Variants in CDK15 observed in about 807,000 individuals in gnomAD.
CDK15 encodes cyclin-dependent kinase 15.
Under a neutral mutation model 60.3 loss-of-function variants are expected in CDK15, and 62 were observed. The ratio of observed to expected loss-of-function variants is 1.03; its 90% CI spans 0.84 to 1.27. The LOEUF (loss-of-function observed/expected upper bound fraction) is 1.27. Ranked by LOEUF, CDK15 falls within the 50% of genes most tolerant of loss-of-function variation. The pLI is 0.00. For synonymous variants in CDK15, 194 were observed against 195.7 expected (o/e 0.99, Z 0.07); for missense variants, 541 against 527.8 (o/e 1.03, Z -0.25).
At chr2:201,857,860 C>G (rs1698210792) in intron 10 of CDK15, among the ~76,000 whole-genome samples, 1 of 152,198 alleles carries the variant, frequency 6.6e-6, no homozygotes, top group Admixed American at 6.5e-5. Context: ...CATCCCTGAG[C>G]TGCTGTGGCT....
At chr2:201,831,745 C>A (rs1696760765) in intron 6 of CDK15, among the ~76,000 whole-genome samples, 1 of 152,108 alleles carries the variant, frequency 6.6e-6, no homozygotes, top group Non-Finnish European at 1.5e-5. Context: ...TCAAGCTGAC[C>A]TACTAAGAAG....
Position 201,891,157 on chromosome 2 carries a change from G to C in CDK15, c.*33+230G>C, listed in dbSNP as rs113787644. ...CTTCCACTCCCGGAGCAGGGATAAA[G>C]CTCCTAAGACAGAACTTCTATGCTT... is the stretch of plus-strand genomic sequence containing the variant. On this transcript the variant is annotated intron_variant, in intron 13 of 13. Transcript: ENST00000652192. Among the ~76,000 whole-genome samples, 666 of 152,330 alleles carry C rather than the reference G, an allele frequency of 4.4e-3. 3 individuals carry two copies. Among genetic ancestry groups the C allele is most frequent in the African/African-American group, 0.015 (629 of 41,576 alleles).
At chr2:201,876,155 A>AG (rs1200215260) in intron 11 of CDK15, among the ~76,000 whole-genome samples, 1 of 152,178 alleles carries the variant, frequency 6.6e-6, no homozygotes, top group Non-Finnish European at 1.5e-5. Flanking sequence ...TTTTTAAAGT[A>AG]GGGGTTGTAA....
intron 11 of CDK15, chr2:201,876,540 T>C: frequency 7.8e-7 from 1 of 1,280,090 alleles, no homozygotes; most frequent in Non-Finnish European, 1.0e-6. Flanking sequence ...GAGACTTCAC[T>C]TGCCCGCTTT....
At chr2:201,870,062 C>A (rs956972079) in intron 10 of CDK15, among the ~76,000 whole-genome samples, 1 of 152,216 alleles carries the variant, frequency 6.6e-6, no homozygotes, top group African/African-American at 2.4e-5. Context: ...CATTTGATTG[C>A]GCCTGACCTT....
In CDK15 at chr2:201,873,964, G is replaced by A. The variant is rs567996112; in HGVS notation, c.1058+1638G>A. On this transcript the variant is annotated intron_variant, in intron 11 of 13. Transcript: ENST00000652192. ...AGCTTCTCAGGAGGCTGAGGCATGA[G>A]AATCGCTTGAACCCGGGAGGCGGAG... Among the ~76,000 whole-genome samples the A allele has an allele frequency of 3.3e-5, 5 of 150,852 alleles. No individual in the cohort carries two copies. In the East Asian group the frequency reaches 9.8e-4, roughly 29 times the overall value.
chr2:201,880,267 T>G (rs1016559775), intron 12 of CDK15, 100 bp downstream of exon 12: 1 of 1,372,364 alleles, frequency 7.3e-7, no homozygotes, highest in African/African-American at 1.4e-5. Flanking sequence ...CACCGGAGAA[T>G]CATAGCATTT....
At chr2:201,860,948 T>A (rs1698368715) in intron 10 of CDK15, 1 of 1,269,126 alleles carries the variant, frequency 7.9e-7, no homozygotes, top group Non-Finnish European at 1.0e-6. Context: ...TTGGGCTCAA[T>A]GAGTTCTGAG....
At chr2:201,814,362 T>C (rs16838219) in intron 4 of CDK15, among the ~76,000 whole-genome samples, 37,384 of 152,172 alleles carry the variant, frequency 0.25, 4,791 homozygotes, top group East Asian at 0.42. Flanking sequence ...CCTTACCGAA[T>C]GCTTTGCTCG....
chr2:201,843,379 G>C (rs1697489569), intron 8 of CDK15, among the ~76,000 whole-genome samples: 2 of 152,018 alleles, frequency 1.3e-5, no homozygotes, highest in South Asian at 2.1e-4. Flanking sequence ...TAGAGACGGG[G>C]TTTCACCATG....
At chr2:201,868,329 A>G (rs1698714554) in intron 10 of CDK15, among the ~76,000 whole-genome samples, 1 of 152,192 alleles carries the variant, frequency 6.6e-6, no homozygotes, top group African/African-American at 2.4e-5. Flanking sequence ...GCAGGTGGGA[A>G]AACTGAGGCC....
chr2:201,843,517 T>C (rs972460811), intron 8 of CDK15, among the ~76,000 whole-genome samples: 4 of 152,216 alleles, frequency 2.6e-5, no homozygotes, highest in African/African-American at 4.8e-5. Flanking sequence ...GCTTGTTTTG[T>C]TATCAATGCA....
At chr2:201,808,428 C>A (rs959523675) in intron 3 of CDK15, among the ~76,000 whole-genome samples, 9 of 152,102 alleles carry the variant, frequency 5.9e-5, no homozygotes, top group African/African-American at 2.2e-4. Flanking sequence ...ATGGTACATG[C>A]AAAAGATGAT....
At chr2:201,875,650 T>C (rs1178122973) in intron 11 of CDK15, among the ~76,000 whole-genome samples, 1 of 152,190 alleles carries the variant, frequency 6.6e-6, no homozygotes, top group African/African-American at 2.4e-5. Context: ...TAGAAAGTGA[T>C]TCAAAGTTAT....
rs188530170 is a variant in CDK15, at chr2:201,882,746, A to T, written c.1198+2579A>T. Among the ~76,000 whole-genome samples, 8 of 151,754 alleles carry T rather than the reference A, an allele frequency of 5.3e-5. No individual in the cohort carries two copies. On this transcript the variant is annotated intron_variant, in intron 12 of 13. Transcript: ENST00000652192. This position sits in a 1 kb window ranked among gnomAD's most constrained non-coding sequence, Gnocchi z 4.0. ...TGTGCAGAAATATGTATATAGACAG[A>T]TGGACAAGTAGATAGAAAAAGCAAA...
chr2:201,821,006 C>G (rs975516209), intron 4 of CDK15, among the ~76,000 whole-genome samples: 8 of 152,092 alleles, frequency 5.3e-5, no homozygotes, highest in Non-Finnish European at 1.2e-4. Context: ...TAACTACAGG[C>G]TGGTAGGGCA....
intron 11 of CDK15, among the ~76,000 whole-genome samples, chr2:201,877,184 C>T (rs1699110159): frequency 6.6e-6 from 1 of 152,190 alleles, no homozygotes. Context: ...ACACTCTACA[C>T]AAACACAGTC....
intron 8 of CDK15, among the ~76,000 whole-genome samples, chr2:201,836,153 T>A (rs1216939804): frequency 4.4e-5 from 1 of 22,564 alleles, no homozygotes; most frequent in African/African-American, 9.2e-5. Context: ...TTATATATAT[T>A]TTATATATTT....
chr2:201,820,510 G>A (rs1696173137), intron 4 of CDK15, among the ~76,000 whole-genome samples: 1 of 152,128 alleles, frequency 6.6e-6, no homozygotes, highest in African/African-American at 2.4e-5. Context: ...CAGAAAAGAC[G>A]ATGTCTCTTT....
Sources: allele counts gnomAD v4.1 joint callset (sites outside exome capture counted in the v4.1 genomes callset), GRCh38; gene constraint gnomAD v4.1.1; non-coding constraint Gnocchi (gnomAD v3.1); transcripts MANE v1.5; gene names NCBI Gene and HGNC (gene_info 2026-07-23, HGNC 2026-07-21).